The following USP9X variants were observed in gnomAD, a reference collection of about 807,000 sequenced individuals.
USP9X encodes ubiquitin specific peptidase 9 X-linked.
In USP9X, 7 loss-of-function variants were observed where a neutral mutation model predicts 190.3. The ratio of observed to expected loss-of-function variants is 0.04; its 90% CI spans 0.02 to 0.07. USP9X has a LOEUF of 0.07. USP9X is among the 10% of genes least tolerant of loss of function. The pLI, the probability that USP9X is intolerant of heterozygous loss-of-function variation, is 1.00. For synonymous variants in USP9X, 645 were observed against 659.5 expected (o/e 0.98, Z 0.34); for missense variants, 1,010 against 1,916.9 (o/e 0.53, Z 8.83).
intron 26 of USP9X, among the ~76,000 whole-genome samples, chrX:41,190,616 A>T (rs988553442): frequency 4.5e-5 from 5 of 112,217 alleles, no homozygotes; most frequent in African/African-American, 1.6e-4. Context: ...AATGATGTCA[A>T]ACCTGGAGGG....
At chrX:41,182,937 G>GTTT (rs11324762) in intron 21 of USP9X, among the ~76,000 whole-genome samples, 1 of 95,665 alleles carries the variant, frequency 1.0e-5, no homozygotes. Flanking sequence ...GAAAATCATA[G>GTTT]TTTTTTTTTT....
chrX:41,176,573 T>C (rs988896742), intron 21 of USP9X, among the ~76,000 whole-genome samples: 1 of 111,953 alleles, frequency 8.9e-6, no homozygotes, highest in African/African-American at 3.2e-5. Context: ...AAGTCTAGTT[T>C]AGGATTGTAT....
rs753621021 is a variant in USP9X, at chrX:41,162,956, C to T, written c.1985+79C>T. The T allele has an allele frequency of 2.1e-4, 161 of 779,055 alleles. 1 individual carries two copies. The East Asian group carries it at 6.0e-3, about 29-fold the overall frequency. 64.2% of individuals were successfully genotyped at this position (779,055 alleles called of 1,213,427 possible). ...GAATGAATAGACTGTATAGCTTGGT[C>T]TTTGTTGGGTGGCCTTTTCCCAAGT... On this transcript the variant is annotated intron_variant, in intron 15 of 44. Coordinates refer to ENST00000378308, the MANE Select transcript of USP9X (RefSeq NM_001039591.3).
intron 9 of USP9X, 56 bp from the exon 10 acceptor site, chrX:41,143,235 T>A: frequency 1.1e-6 from 1 of 939,531 alleles, no homozygotes; most frequent in East Asian, 3.5e-5. Flanking sequence ...TGTGAGCAAT[T>A]AAGAAAAAAT....
chrX:41,226,307 G>T (rs1032738557), intron 41 of USP9X, among the ~76,000 whole-genome samples: 2 of 111,368 alleles, frequency 1.8e-5, no homozygotes, highest in Non-Finnish European at 3.8e-5. Context: ...GGGTTTTTTT[G>T]TAGTAAAAGT....
intron 12 of USP9X, among the ~76,000 whole-genome samples, chrX:41,149,625 A>C (rs940794574): frequency 9.0e-6 from 1 of 110,746 alleles, no homozygotes; most frequent in Non-Finnish European, 1.9e-5. Flanking sequence ...TCTCGGAAAT[A>C]GTGAAAAAGG....
In USP9X at chrX:41,123,697, G is replaced by A. The variant is rs1346234515; in HGVS notation, c.69G>A (p.Gln23=). 7 of 1,209,991 alleles carry A rather than the reference G, an allele frequency of 5.8e-6. No individual in the cohort carries two copies. Among genetic ancestry groups the A allele is most frequent in the African/African-American group, 1.7e-5 (1 of 57,210 alleles). ...ACCAGGGCCAGGCTCCTGATGGACA[G>A]TCTCAGCCCCCCCTCCAACAGAATC... The part of the protein sequence containing the change: ...NDNQGQAPDG[Q]SQPPLQQNQT... The change falls in exon 2 of 45, where the codon CAG becomes CAA. Residue 23 remains glutamine (Q), a synonymous_variant. Coordinates refer to ENST00000378308, the MANE Select transcript of USP9X (RefSeq NM_001039591.3).
chrX:41,178,868 A>G (rs1033419962), intron 21 of USP9X, among the ~76,000 whole-genome samples: 1 of 112,065 alleles, frequency 8.9e-6, no homozygotes, highest in African/African-American at 3.2e-5. Context: ...TTTTTAACCC[A>G]TCTTGAGTTT....
chrX:41,159,648 A>G (rs2062611026), intron 14 of USP9X, among the ~76,000 whole-genome samples: 1 of 109,868 alleles, frequency 9.1e-6, no homozygotes, highest in African/African-American at 3.3e-5. Flanking sequence ...TCATGCCTCA[A>G]CCTCCCGAGT....
At chrX:41,136,286 G>A (rs557215101) in intron 5 of USP9X, among the ~76,000 whole-genome samples, 1 of 111,458 alleles carries the variant, frequency 9.0e-6, no homozygotes, top group African/African-American at 3.3e-5. Flanking sequence ...TCAGCCTCCC[G>A]AGTAGCTGGG....
At chrX:41,198,172 G>A (rs976354271) in intron 29 of USP9X, among the ~76,000 whole-genome samples, 1 of 111,999 alleles carries the variant, frequency 8.9e-6, no homozygotes, top group African/African-American at 3.2e-5. Context: ...CATACATGTA[G>A]TAACACAAGG....
intron 20 of USP9X, among the ~76,000 whole-genome samples, chrX:41,171,112 G>C (rs185914080): frequency 8.9e-6 from 1 of 112,147 alleles, no homozygotes; most frequent in East Asian, 2.8e-4. Flanking sequence ...TCAAACTTGT[G>C]TTGTTCAAGA....
chrX:41,187,821 G>A (rs946762584), intron 24 of USP9X, among the ~76,000 whole-genome samples, 171 bp from the exon 25 acceptor site: 2 of 104,782 alleles, frequency 1.9e-5, no homozygotes, highest in African/African-American at 3.6e-5. Context: ...AGGGCCCTCC[G>A]CCCCCACCTT....
chrX:41,223,173 T>TTTCTCCCTCTCTTTC, intron 38 of USP9X, 44 bp from the exon 39 acceptor site: 2 of 1,159,352 alleles, frequency 1.7e-6, no homozygotes, highest in Non-Finnish European at 2.3e-6. Flanking sequence ...TCCTCATATT[T>TTTCTCCCTCTCTTTC]TTCTCCCTCT....
At chrX:41,201,377 T>A in intron 31 of USP9X, 97 bp downstream of exon 31, 1 of 865,161 alleles carries the variant, frequency 1.2e-6, no homozygotes, top group Non-Finnish European at 1.6e-6. Flanking sequence ...TCAAACGTAT[T>A]AAAGTATATT....
intron 4 of USP9X, 33 bp from the exon 5 acceptor site, chrX:41,134,692 T>C (rs1207964090): frequency 8.8e-7 from 1 of 1,141,650 alleles, no homozygotes; most frequent in Non-Finnish European, 1.2e-6. Flanking sequence ...GATGAACATT[T>C]TGTTTGCATT....
Position 41,215,890 on chromosome X carries a change from T to G in USP9X, c.5332-9T>G, listed in dbSNP as rs761137489. 1.2e-5 allele frequency: 14 copies of G among 1,193,053 alleles called. No individual in the cohort carries two copies. The highest frequency in any genetic ancestry group is 1.8e-5 in the African/African-American group (1 of 56,339). On this transcript the variant is annotated splice_polypyrimidine_tract_variant and intron_variant, in intron 34 of 44. Transcript: ENST00000378308. ...AGAACATCTGGTAACTTTGTCTTGT[T>G]TATTTTAGGTTGATACCGTAAAGCG... is the stretch of plus-strand genomic sequence containing the variant.
chrX:41,144,140 A>G (rs2062445039), intron 10 of USP9X, among the ~76,000 whole-genome samples: 1 of 111,545 alleles, frequency 9.0e-6, no homozygotes, highest in South Asian at 3.7e-4. Context: ...GCCAAAATAC[A>G]CATTAGCTGT....
intron 14 of USP9X, among the ~76,000 whole-genome samples, chrX:41,155,707 C>T (rs1186514755): frequency 1.8e-5 from 2 of 111,359 alleles, no homozygotes; most frequent in Non-Finnish European, 3.8e-5. Context: ...TCATTCCTTA[C>T]ATCAACTATG....
Sources: allele counts gnomAD v4.1 joint callset (sites outside exome capture counted in the v4.1 genomes callset), GRCh38; gene constraint gnomAD v4.1.1; transcripts MANE v1.5; gene names NCBI Gene and HGNC (gene_info 2026-07-23, HGNC 2026-07-21).